ODAD2: variants seen among roughly 807,000 people sequenced by gnomAD.
ODAD2 encodes the protein outer dynein arm docking complex subunit 2, also known as outer dynein arm-docking complex subunit 2.
Under a neutral mutation model 106.8 loss-of-function variants are expected in ODAD2, and 89 were observed. The ratio of observed to expected loss-of-function variants is 0.83; its 90% CI spans 0.70 to 0.99. The LOEUF (loss-of-function observed/expected upper bound fraction) is 0.99, where lower values mean the gene tolerates loss of function less well. Ranked by LOEUF, ODAD2 falls within the 50% of genes least tolerant of loss-of-function variation. The pLI is 0.00. For missense variants in ODAD2, 1,168 were observed against 1,238.5 expected (o/e 0.94, Z 0.85); for synonymous variants, 404 against 436.2 (o/e 0.93, Z 0.92).
intron 19 of ODAD2, among the ~76,000 whole-genome samples, chr10:27,849,009 C>T (rs1292999716): frequency 6.6e-6 from 1 of 152,176 alleles, no homozygotes. Context: ...CCTCAAGGAT[C>T]TAGAACTAGA....
chr10:27,932,356 A>T (rs1272628984), intron 16 of ODAD2, among the ~76,000 whole-genome samples: 1 of 152,184 alleles, frequency 6.6e-6, no homozygotes, highest in East Asian at 1.9e-4. Flanking sequence ...GAGGTACTTG[A>T]AGTATAGTTT....
chr10:27,949,746 G>A (rs956696015), intron 10 of ODAD2, among the ~76,000 whole-genome samples: 2 of 152,156 alleles, frequency 1.3e-5, no homozygotes, highest in South Asian at 2.1e-4. Flanking sequence ...TGCAGAGGCC[G>A]CTGGCTGGAG....
At chr10:27,972,652 C>G (rs1384806723) in intron 7 of ODAD2, among the ~76,000 whole-genome samples, 2 of 152,016 alleles carry the variant, frequency 1.3e-5, no homozygotes, top group Non-Finnish European at 2.9e-5. Context: ...ATATCGACTC[C>G]AAAGCAAATA....
At chr10:27,926,973 C>T (rs1015551907) in intron 16 of ODAD2, among the ~76,000 whole-genome samples, 1 of 152,040 alleles carries the variant, frequency 6.6e-6, no homozygotes, top group Admixed American at 6.6e-5. Flanking sequence ...TCTACTGTTT[C>T]ATAAACTTAA....
Position 27,983,946 on chromosome 10 carries a change from G to T in ODAD2, c.716C>A (p.Pro239Gln). The T allele has an allele frequency of 1.2e-6, 2 of 1,608,684 alleles. No homozygotes were observed. Among genetic ancestry groups the T allele is most frequent in the Non-Finnish European group, 1.7e-6 (2 of 1,178,918 alleles). Residue 239 changes from proline (P) to glutamine (Q), a missense_variant, in exon 6 of 20, where the codon CCG (proline) becomes CAG (glutamine). Physicochemically the swap from Pro to Gln is moderately conservative, Grantham distance 76. Around this residue, in one of 3 missense-constraint regions of ODAD2, gnomAD observed 430 missense variants for 452.2 expected, o/e 0.95. Transcript: ENST00000305242. ...AATTTCCCCACGAATTTGTCTCCAC[G>T]GTGGGGCTCGACATCCATTTGAAAA... The part of the protein sequence containing the change: ...YEFSNGCRAP[P>Q]WRQIRGEICY...
intron 6 of ODAD2, chr10:27,981,798 T>C (rs897339252): frequency 5.4e-6 from 2 of 368,096 alleles, no homozygotes; most frequent in African/African-American, 4.3e-5. Context: ...CATTCAATTG[T>C]TCATTCATTC....
rs191614962 is a variant in ODAD2, at chr10:27,996,685, C to T, written c.-38-1505G>A. Among the ~76,000 whole-genome samples, 41 of 152,214 alleles carry T rather than the reference C, an allele frequency of 2.7e-4. No homozygotes were observed. In the East Asian group the frequency reaches 7.5e-3, roughly 28 times the overall value. Reference sequence around the variant, plus strand: ...TTTCCAGAATTGTAGCTACCATAAACGAAAAGAAGGTTGTACATATTTTGT... The same window carrying T: ...TTTCCAGAATTGTAGCTACCATAAATGAAAAGAAGGTTGTACATATTTTGT... On this transcript the variant is annotated intron_variant, in intron 1 of 19. Transcript: ENST00000305242.
intron 17 of ODAD2, among the ~76,000 whole-genome samples, chr10:27,890,476 C>T (rs1842485846): frequency 6.6e-6 from 1 of 152,138 alleles, no homozygotes; most frequent in Non-Finnish European, 1.5e-5. Context: ...GTACACAATT[C>T]TATATATCCC....
At chr10:27,988,369 C>T (rs1244149057) in intron 2 of ODAD2, among the ~76,000 whole-genome samples, 4 of 146,754 alleles carry the variant, frequency 2.7e-5, no homozygotes, top group Non-Finnish European at 6.0e-5. Context: ...ACAGAGTATC[C>T]CTCTGTCACC....
chr10:27,817,323 TACTGTATAG>T lies in ODAD2; in HGVS notation c.3022-4707_3022-4699del, dbSNP rs1165327852. ...TGATCTCTTTGTTTATACCTCACTT[TACTGTATAG>T]ACAGTTAAAATTCTTTTCAAAAATT... On this transcript the variant is annotated intron_variant, in intron 19 of 19. Transcript: ENST00000305242. Among the ~76,000 whole-genome samples the T allele has an allele frequency of 2.0e-5, 3 of 152,328 alleles. No homozygotes were observed. In the South Asian group the frequency reaches 6.2e-4, roughly 32 times the overall value.
intron 19 of ODAD2, among the ~76,000 whole-genome samples, chr10:27,817,495 C>G (rs1406236016): frequency 6.6e-6 from 1 of 152,094 alleles, no homozygotes; most frequent in African/African-American, 2.4e-5. Flanking sequence ...CCCTCATTCC[C>G]CCTCCCCATT....
intron 16 of ODAD2, among the ~76,000 whole-genome samples, chr10:27,909,213 A>T (rs1212368109): frequency 6.6e-6 from 1 of 152,144 alleles, no homozygotes; most frequent in Non-Finnish European, 1.5e-5. Flanking sequence ...CTTCTTGAAA[A>T]TTTCGCAGCA....
At chr10:27,987,299 T>G in intron 3 of ODAD2, 87 bp downstream of exon 3, 1 of 1,221,650 alleles carries the variant, frequency 8.2e-7, no homozygotes, top group East Asian at 2.4e-5. Flanking sequence ...CAAGAGACTC[T>G]AACAAATGAT....
At chr10:27,956,159 G>C (rs1331456656) in intron 10 of ODAD2, among the ~76,000 whole-genome samples, 3 of 152,184 alleles carry the variant, frequency 2.0e-5, no homozygotes, top group Non-Finnish European at 4.4e-5. Flanking sequence ...GGGCAAGGAT[G>C]AATGTGTAGG....
intron 10 of ODAD2, among the ~76,000 whole-genome samples, chr10:27,948,923 GCTCT>G (rs1847139094): frequency 6.7e-6 from 1 of 150,130 alleles, no homozygotes. Flanking sequence ...AATGAAAGTC[GCTCT>G]CTTTCACTTT....
intron 11 of ODAD2, 152 bp from the exon 12 acceptor site, chr10:27,944,583 A>C: frequency 1.2e-6 from 1 of 842,592 alleles, no homozygotes; most frequent in Non-Finnish European, 1.8e-6. Flanking sequence ...ATTCTCTTTC[A>C]TTTAAGTAAA....
chr10:27,980,066 CA>C (rs1182311967), intron 7 of ODAD2, among the ~76,000 whole-genome samples: 2 of 152,080 alleles, frequency 1.3e-5, no homozygotes, highest in Non-Finnish European at 2.9e-5. Flanking sequence ...ATGCTGAGAC[CA>C]TCCAAAAGAG....
At chr10:27,862,077 G>A (rs1449145458) in intron 18 of ODAD2, among the ~76,000 whole-genome samples, 1 of 152,184 alleles carries the variant, frequency 6.6e-6, no homozygotes, top group African/African-American at 2.4e-5. Context: ...AGGCACATTT[G>A]ATTTCTAACG....
intron 17 of ODAD2, among the ~76,000 whole-genome samples, chr10:27,874,345 G>T (rs1419843753): frequency 6.6e-6 from 1 of 152,144 alleles, no homozygotes; most frequent in Non-Finnish European, 1.5e-5. Flanking sequence ...GGAGCATTTA[G>T]TCTATTTACA....
Sources: allele counts gnomAD v4.1 joint callset (sites outside exome capture counted in the v4.1 genomes callset), GRCh38; gene constraint gnomAD v4.1.1; regional missense constraint gnomAD v4.1.1; transcripts MANE v1.5; gene names NCBI Gene and HGNC (gene_info 2026-07-23, HGNC 2026-07-21).